SUPT3H: variants seen among roughly 807,000 people sequenced by gnomAD.
SUPT3H encodes the protein transcription initiation protein SPT3 homolog.
Under a neutral mutation model 44.3 loss-of-function variants are expected in SUPT3H, and 44 were observed. The ratio of observed to expected loss-of-function variants is 0.99; its 90% confidence interval spans 0.78 to 1.28. The LOEUF (loss-of-function observed/expected upper bound fraction) is 1.28. Among genes scored for constraint, SUPT3H ranks in the 50% most tolerant of loss-of-function variants. SUPT3H has a pLI of 0.00. For synonymous variants in SUPT3H, 124 were observed against 125.6 expected (o/e 0.99, Z 0.09); for missense variants, 380 against 387.1 (o/e 0.98, Z 0.15).
At chr6:44,843,162 T>C (rs1208221170) in intron 10 of SUPT3H, among the ~76,000 whole-genome samples, 1 of 152,208 alleles carries the variant, frequency 6.6e-6, no homozygotes, top group African/African-American at 2.4e-5. Flanking sequence ...ATATCGGTGC[T>C]TTAAGTGATA....
chr6:45,045,492 T>C (rs912110657), intron 3 of SUPT3H, among the ~76,000 whole-genome samples: 3 of 152,184 alleles, frequency 2.0e-5, no homozygotes, highest in Non-Finnish European at 2.9e-5. Context: ...TTTTTGCACA[T>C]TGATTTTCTA....
intron 3 of SUPT3H, among the ~76,000 whole-genome samples, chr6:45,074,632 C>G (rs148869769): frequency 3.3e-5 from 5 of 151,950 alleles, no homozygotes; most frequent in Non-Finnish European, 7.4e-5. Flanking sequence ...AGAACAGACA[C>G]GCTAAACTAT....
intron 3 of SUPT3H, chr6:45,097,690 C>G (rs1001220381): frequency 6.6e-6 from 1 of 152,192 alleles, no homozygotes; most frequent in Non-Finnish European, 1.5e-5. Flanking sequence ...ATACTGCTGT[C>G]CTTCTACAAA....
intron 3 of SUPT3H, among the ~76,000 whole-genome samples, chr6:45,023,231 A>T (rs1785431141): frequency 6.6e-6 from 1 of 152,048 alleles, no homozygotes; most frequent in South Asian, 2.1e-4. Flanking sequence ...ATACCATCTT[A>T]CAGCAGTCAG....
chr6:45,006,333 A>G (rs1374054397), intron 5 of SUPT3H, among the ~76,000 whole-genome samples: 5 of 151,718 alleles, frequency 3.3e-5, no homozygotes, highest in Non-Finnish European at 7.4e-5. Flanking sequence ...CTCTTGCTTT[A>G]TATTTGGTAT....
At chr6:45,332,338 C>T (rs1371732695) in intron 2 of SUPT3H, among the ~76,000 whole-genome samples, 3 of 145,274 alleles carry the variant, frequency 2.1e-5, no homozygotes, top group Non-Finnish European at 4.7e-5. Flanking sequence ...TACCTAAATA[C>T]CTCAACTGTA....
chr6:44,902,433 G>C (rs1179772337), intron 10 of SUPT3H, among the ~76,000 whole-genome samples: 1 of 152,124 alleles, frequency 6.6e-6, no homozygotes, highest in African/African-American at 2.4e-5. Context: ...AAGAGACAAA[G>C]AAGTCCATAA....
At chr6:45,352,335 GT>G (rs1434055450) in intron 2 of SUPT3H, among the ~76,000 whole-genome samples, 1 of 152,020 alleles carries the variant, frequency 6.6e-6, no homozygotes. Flanking sequence ...AGATCAAGTA[GT>G]TTTTTTCAGA....
chr6:45,130,889 G>T (rs911366411), intron 2 of SUPT3H, among the ~76,000 whole-genome samples: 1 of 151,344 alleles, frequency 6.6e-6, no homozygotes, highest in African/African-American at 2.4e-5. Context: ...AGCTAATTTT[G>T]TATTTTTAGT....
At chr6:45,013,980 G>A (rs1375360943) in intron 5 of SUPT3H, among the ~76,000 whole-genome samples, 3 of 151,948 alleles carry the variant, frequency 2.0e-5, no homozygotes, top group East Asian at 3.9e-4. Context: ...CTTGCTGTAC[G>A]TGCTTAGGAC....
At chr6:45,358,148 A>T (rs1793577208) in intron 2 of SUPT3H, among the ~76,000 whole-genome samples, 1 of 150,678 alleles carries the variant, frequency 6.6e-6, no homozygotes, top group African/African-American at 2.5e-5. Context: ...AACAGGTTAT[A>T]ACATGTAAAA....
At chr6:45,214,536 TACAG>T (rs1345313233) in intron 2 of SUPT3H, among the ~76,000 whole-genome samples, 1 of 152,088 alleles carries the variant, frequency 6.6e-6, no homozygotes, top group African/African-American at 2.4e-5. Context: ...GATCATAAAG[TACAG>T]ACAATTTTGA....
chr6:44,921,656 A>G (rs1046336300), intron 10 of SUPT3H, among the ~76,000 whole-genome samples: 1 of 152,184 alleles, frequency 6.6e-6, no homozygotes, highest in African/African-American at 2.4e-5. Context: ...TTTACTTATT[A>G]GGATCTTACC....
chr6:45,011,866 C>T (rs115973069), intron 5 of SUPT3H, among the ~76,000 whole-genome samples: 2,676 of 151,698 alleles, frequency 0.018, 53 homozygotes, highest in South Asian at 0.086. Flanking sequence ...ATGGGTCTGA[C>T]GGCAAGAAAT....
chr6:45,016,355 T>G (rs1784272629), intron 4 of SUPT3H, among the ~76,000 whole-genome samples: 1 of 151,796 alleles, frequency 6.6e-6, no homozygotes, highest in South Asian at 2.1e-4. Context: ...TTTATTTTAT[T>G]ATTACTATAC....
chr6:45,357,431 A>C (rs931233787), intron 2 of SUPT3H, among the ~76,000 whole-genome samples: 2 of 148,132 alleles, frequency 1.4e-5, no homozygotes, highest in African/African-American at 4.9e-5. Flanking sequence ...CCTAGGTGCA[A>C]GTGATCCTCC....
chr6:44,843,883 T>C (rs1771394669), intron 10 of SUPT3H, among the ~76,000 whole-genome samples: 1 of 147,090 alleles, frequency 6.8e-6, no homozygotes, highest in African/African-American at 2.5e-5. Context: ...AAATAAAAAC[T>C]CAAAGGACCT....
chr6:45,330,779 C>T (rs573148433), intron 2 of SUPT3H, among the ~76,000 whole-genome samples: 2 of 151,808 alleles, frequency 1.3e-5, no homozygotes, highest in South Asian at 4.2e-4. Context: ...CTGCACCTTC[C>T]CTCCCCGCCA....
intron 2 of SUPT3H, among the ~76,000 whole-genome samples, chr6:45,170,017 C>CA (rs1810516738): frequency 6.6e-6 from 1 of 152,186 alleles, no homozygotes; most frequent in Non-Finnish European, 1.5e-5. Flanking sequence ...CACATTAAGT[C>CA]AGACTCCTGG....
Sources: allele counts gnomAD v4.1 joint callset (sites outside exome capture counted in the v4.1 genomes callset), GRCh38; gene constraint gnomAD v4.1.1; transcripts MANE v1.5; gene names NCBI Gene and HGNC (gene_info 2026-07-23, HGNC 2026-07-21).